Variants in ITPR1 observed in about 807,000 individuals in gnomAD.
The protein encoded by ITPR1 is inositol 1,4,5-trisphosphate-gated calcium channel ITPR1.
A neutral mutation model predicts 318.4 loss-of-function variants in ITPR1; 96 were observed. That is an observed-to-expected ratio of 0.30 (90% CI 0.26 to 0.36). The LOEUF (loss-of-function observed/expected upper bound fraction) is 0.36, where lower values mean the gene tolerates loss of function less well. ITPR1 is among the 10% of genes least tolerant of loss of function. The probability of loss-of-function intolerance (pLI) is 1.00; values close to 1 mark genes in which losing one functional copy is unlikely to be tolerated. For missense variants in ITPR1, 2,440 were observed against 3,460.2 expected (o/e 0.71, Z 7.40); for synonymous variants, 1,312 against 1,289.9 (o/e 1.02, Z -0.37).
At chr3:4,624,536 G>T (rs1328646867) in intron 4 of ITPR1, among the ~76,000 whole-genome samples, 1 of 152,000 alleles carries the variant, frequency 6.6e-6, no homozygotes, top group African/African-American at 2.4e-5. Context: ...GGGCATGGTG[G>T]TGAGCACCTG....
chr3:4,653,896 G>A lies in ITPR1; in HGVS notation c.996+10G>A, dbSNP rs985326385. On this transcript the variant is annotated intron_variant, in intron 12 of 61. Transcript: ENST00000649015. The stretch of plus-strand genomic sequence containing the variant: ...GGAGTTTCAGCCCTCAGTAAGTATG[G>A]ACAAGAGCCTTCTTGTCTTCATCTG... 4 of 1,599,938 alleles carry A rather than the reference G, an allele frequency of 2.5e-6. 1 individual carries two copies. Among genetic ancestry groups the A allele is most frequent in the African/African-American group, 2.7e-5 (2 of 74,644 alleles).
intron 4 of ITPR1, among the ~76,000 whole-genome samples, chr3:4,550,338 G>A (rs972854761): frequency 5.9e-5 from 9 of 152,162 alleles, no homozygotes; most frequent in African/African-American, 1.4e-4. Context: ...TGACCAGTCC[G>A]CTGCCAGAGC....
chr3:4,541,975 C>T (rs2084502936), intron 4 of ITPR1, among the ~76,000 whole-genome samples: 1 of 152,100 alleles, frequency 6.6e-6, no homozygotes, highest in African/African-American at 2.4e-5. Flanking sequence ...GCTCCATAGG[C>T]TGGACTCTAG....
In ITPR1 at chr3:4,777,279, C is replaced by A; in HGVS notation, c.6196C>A (p.His2066Asn). 6.2e-7 allele frequency: 1 copy of A among 1,601,706 alleles called. No homozygotes were observed. Among genetic ancestry groups the A allele is most frequent in the East Asian group, 2.2e-5 (1 of 44,592 alleles). ...CTTTGCTCAGAACTGCATAGCCACC[C>A]ATGAATCCAATGGCATTGACATCAT... Reference protein sequence around the residue: ...CHENQNCIATHESNGIDIITA... With the variant: ...CHENQNCIATNESNGIDIITA... The change falls in exon 48 of 62, where the codon CAT becomes AAT. Residue 2066 changes from histidine (H) to asparagine (N), a missense_variant. His to Asn is a moderately conservative substitution (Grantham distance 68). This residue lies in a region of ITPR1 where 76 missense variants were observed against 162.1 expected (regional missense o/e 0.47). Coordinates refer to ENST00000649015, the MANE Select transcript of ITPR1 (RefSeq NM_001378452.1).
intron 44 of ITPR1, among the ~76,000 whole-genome samples, chr3:4,756,837 A>T (rs1168136857): frequency 6.6e-6 from 1 of 152,218 alleles, no homozygotes; most frequent in East Asian, 1.9e-4. Flanking sequence ...TTTATGTAAC[A>T]CCCAGCTCTT....
intron 37 of ITPR1, among the ~76,000 whole-genome samples, chr3:4,707,228 C>A (rs908759822): frequency 6.6e-6 from 1 of 152,198 alleles, no homozygotes; most frequent in Non-Finnish European, 1.5e-5. Flanking sequence ...ACAACAATTA[C>A]CTTATTCTCT....
chr3:4,805,025 T>C (rs1355345279), intron 54 of ITPR1, among the ~76,000 whole-genome samples: 1 of 152,182 alleles, frequency 6.6e-6, no homozygotes. Context: ...CTTCCAGGCA[T>C]TGGGGTTTCT....
chr3:4,603,189 TG>T (rs1291048978), intron 4 of ITPR1, among the ~76,000 whole-genome samples: 1 of 143,164 alleles, frequency 7.0e-6, no homozygotes, highest in Non-Finnish European at 1.5e-5. Flanking sequence ...TTTTTTATTT[TG>T]TTTTTTTTAC....
chr3:4,615,724 A>T (rs1202793214), intron 4 of ITPR1, among the ~76,000 whole-genome samples: 1 of 152,044 alleles, frequency 6.6e-6, no homozygotes, highest in African/African-American at 2.4e-5. Flanking sequence ...TGATCCACAT[A>T]CAGTAATCAT....
At chr3:4,503,926 G>T (rs921856475) in intron 2 of ITPR1, among the ~76,000 whole-genome samples, 2 of 151,232 alleles carry the variant, frequency 1.3e-5, no homozygotes, top group East Asian at 1.9e-4. Context: ...TCCCCCTCTC[G>T]CCCCCTCCCA....
chr3:4,836,673 A>T, intron 60 of ITPR1, 101 bp from the exon 61 acceptor site: 1 of 1,155,048 alleles, frequency 8.7e-7, no homozygotes, highest in Non-Finnish European at 1.1e-6. Flanking sequence ...ACCTAATGAG[A>T]GTTAGGAAAC....
chr3:4,683,391 A>C lies in ITPR1; in HGVS notation c.3167A>C (p.Glu1056Ala). 10 of 1,614,004 alleles carry C rather than the reference A, an allele frequency of 6.2e-6. No homozygotes were observed. The highest frequency in any genetic ancestry group is 8.5e-6 in the Non-Finnish European group (10 of 1,179,866). Residue 1056 changes from glutamate (E) to alanine (A), a missense_variant, in exon 27 of 62, where the codon GAG (glutamate) becomes GCG (alanine). Glu to Ala is a moderately radical substitution (Grantham distance 107). This residue lies in a region of ITPR1 where 76 missense variants were observed against 132.2 expected (regional missense o/e 0.58). Transcript: ENST00000649015. Reference protein sequence around the residue: ...QAEGIFGGSEENTPLDLDDHG... With the variant: ...QAEGIFGGSEANTPLDLDDHG... ...CCCACCTTGTGCTCCTTTAGTGAGG[A>C]GAACACCCCACTGGACTTGGATGAC...
chr3:4,819,883 T>C (rs1199613058), intron 60 of ITPR1, among the ~76,000 whole-genome samples: 1 of 152,226 alleles, frequency 6.6e-6, no homozygotes, highest in African/African-American at 2.4e-5. Context: ...TTATCCCTTT[T>C]ACAGATAAAA....
At chr3:4,709,069 C>T (rs1246130163) in intron 37 of ITPR1, among the ~76,000 whole-genome samples, 8 of 152,056 alleles carry the variant, frequency 5.3e-5, no homozygotes, top group Non-Finnish European at 7.4e-5. Flanking sequence ...GTGTAAATAC[C>T]GTAGACAAAG....
rs1000480562 is a variant in ITPR1 at position 4,635,649 on chromosome 3, G to C, written c.280-3735G>C. Among the ~76,000 whole-genome samples, 6 of 151,620 alleles carry C rather than the reference G, an allele frequency of 4.0e-5. No homozygotes were observed. The South Asian group carries it at 1.0e-3, about 26-fold the overall frequency. ...CATGAGCCACTGCGCCCAGCCAAAA[G>C]GTGCTAACTCAGTATCTCACAGTGA... is the stretch of plus-strand genomic sequence containing the variant. On this transcript the variant is annotated intron_variant, in intron 5 of 61. Transcript: ENST00000649015.
intron 40 of ITPR1, among the ~76,000 whole-genome samples, chr3:4,719,170 G>T (rs557897721): frequency 8.3e-4 from 127 of 152,286 alleles, no homozygotes; most frequent in Non-Finnish European, 1.3e-3. Context: ...TTATACTCTA[G>T]GAAATAGAAT....
Position 4,615,453 on chromosome 3 carries a change from T to G in ITPR1, c.164-12310T>G, listed in dbSNP as rs1442288033. 5.3e-5 allele frequency among the ~76,000 whole-genome samples: 8 copies of G among 150,358 alleles called. No individual in the cohort carries two copies. The South Asian group carries it at 1.5e-3, about 29-fold the overall frequency. On this transcript the variant is annotated intron_variant, in intron 4 of 61. Transcript: ENST00000649015. ...GTGCAATGGCACGATCTCGTCTCAC[T>G]GCAACCCCTGCCTCCCGGGTTCAAG...
At chr3:4,660,782 T>C (rs1204479907) in intron 13 of ITPR1, among the ~76,000 whole-genome samples, 1 of 152,212 alleles carries the variant, frequency 6.6e-6, no homozygotes, top group Non-Finnish European at 1.5e-5. Flanking sequence ...ACAGTAACTG[T>C]AGAGTCGTTA....
At chr3:4,662,994 C>T in intron 15 of ITPR1, 71 bp from the exon 16 acceptor site, 1 of 1,442,536 alleles carries the variant, frequency 6.9e-7, no homozygotes, top group Non-Finnish European at 9.6e-7. Context: ...GTCCAGAAGG[C>T]TTCCAAGGCA....
Sources: gnomAD v4.1 joint callset for allele counts (sites outside exome capture counted in the v4.1 genomes callset) on GRCh38, gnomAD v4.1.1 for gene constraint, gnomAD v4.1.1 regional missense constraint, MANE v1.5 for transcripts, NCBI Gene and HGNC (gene_info 2026-07-23, HGNC 2026-07-21) for gene names.